The following SLC7A5 variants were observed in gnomAD, a reference collection of about 807,000 sequenced individuals.
SLC7A5 encodes the protein solute carrier family 7 member 5, also known as large neutral amino acids transporter small subunit 1.
A neutral mutation model predicts 50.2 loss-of-function variants in SLC7A5; 23 were observed. The observed-to-expected ratio is 0.46, with a 90% CI of 0.33 to 0.65. SLC7A5 has a LOEUF of 0.65. Ranked by LOEUF, SLC7A5 falls within the 30% of genes least tolerant of loss-of-function variation. SLC7A5 has a pLI of 0.02. For synonymous variants in SLC7A5, 393 were observed against 330.6 expected, an observed-to-expected ratio of 1.19 and a Z score of -2.05; for missense variants, 578 against 684.4, an observed-to-expected ratio of 0.84 and a Z score of 1.73.
intron 1 of SLC7A5, among the ~76,000 whole-genome samples, chr16:87,864,993 G>A (rs746946194): frequency 6.6e-6 from 1 of 152,076 alleles, no homozygotes; most frequent in African/African-American, 2.4e-5. Flanking sequence ...CCAACTTCTC[G>A]GCCTTCCAAG....
Position 87,862,702 on chromosome 16 carries a change from G to A in SLC7A5, c.538+6183C>T, listed in dbSNP as rs1597518243. On this transcript the variant is annotated intron_variant, in intron 1 of 9. Transcript: ENST00000261622. This position sits in a 1 kb window ranked among gnomAD's most constrained non-coding sequence, Gnocchi z 5.3. ...GCCCGTGCAACTGGCACCTTCACAC[G>A]CAGAGGCCTGGGATTCCCAGACACC... 6.6e-6 allele frequency among the ~76,000 whole-genome samples: 1 copy of A among 152,354 alleles called. No homozygotes were observed. The highest frequency in any genetic ancestry group is 1.5e-5 in the Non-Finnish European group (1 of 68,042).
rs556383111 is a variant in SLC7A5 at position 87,841,864 on chromosome 16, G to A, written c.665-709C>T. Reference sequence around the variant, plus strand: ...ACCTCATTTCAAAACTTGAACTTCAGTCACATCTGCGAAGACCCTTTTTCC... The same window carrying A: ...ACCTCATTTCAAAACTTGAACTTCAATCACATCTGCGAAGACCCTTTTTCC... On this transcript the variant is annotated intron_variant, in intron 2 of 9. Coordinates refer to ENST00000261622, the MANE Select transcript of SLC7A5 (RefSeq NM_003486.7). This position sits in a 1 kb window ranked among gnomAD's most constrained non-coding sequence, Gnocchi z 4.8. Among the ~76,000 whole-genome samples the A allele has an allele frequency of 6.6e-6, 1 of 152,230 alleles. No individual in the cohort carries two copies. Among genetic ancestry groups the A allele is most frequent in the Non-Finnish European group, 1.5e-5 (1 of 68,042 alleles).
intron 2 of SLC7A5, among the ~76,000 whole-genome samples, chr16:87,847,501 A>G (rs2055168701): frequency 6.6e-6 from 1 of 152,210 alleles, no homozygotes. Context: ...TGAAGCTCAG[A>G]GACCAGTCTG....
At chr16:87,866,275 T>C (rs1358972228) in intron 1 of SLC7A5, among the ~76,000 whole-genome samples, 2 of 152,110 alleles carry the variant, frequency 1.3e-5, no homozygotes, top group Non-Finnish European at 2.9e-5. Context: ...AGGCCAGCGA[T>C]ATATTTGTAA....
intron 1 of SLC7A5, among the ~76,000 whole-genome samples, 191 bp downstream of exon 1, chr16:87,868,694 G>A (rs2055494075): frequency 6.6e-6 from 1 of 152,234 alleles, no homozygotes; most frequent in South Asian, 2.1e-4. Flanking sequence ...CCAGCCTGTG[G>A]GGAGAAGTGT....
rs999874748 is a variant in SLC7A5 at position 87,853,666 on chromosome 16, G to C, written c.539-1817C>G. Among the ~76,000 whole-genome samples, 1 of 152,178 alleles carries C rather than the reference G, an allele frequency of 6.6e-6. No individual in the cohort carries two copies. Among genetic ancestry groups the C allele is most frequent in the Admixed American group, 6.5e-5 (1 of 15,280 alleles). On this transcript the variant is annotated intron_variant, in intron 1 of 9. Coordinates refer to ENST00000261622, the MANE Select transcript of SLC7A5 (RefSeq NM_003486.7). The surrounding 1 kb of genome is among the most constrained non-coding windows in gnomAD (Gnocchi z 4.4). ...ATTTCCTTATGGTTGGGGGGAGCAC[G>C]ACCATAAAAGAAACTGAGCCTCGGG...
In SLC7A5 at chr16:87,833,695, C is replaced by T. The variant is rs987683388; in HGVS notation, c.1469-670G>A. 2.0e-5 allele frequency among the ~76,000 whole-genome samples: 3 copies of T among 152,102 alleles called. No individual in the cohort carries two copies. Among genetic ancestry groups the T allele is most frequent in the Admixed American group, 6.5e-5 (1 of 15,278 alleles). On this transcript the variant is annotated intron_variant, in intron 9 of 9. Coordinates refer to ENST00000261622, the MANE Select transcript of SLC7A5 (RefSeq NM_003486.7). This position sits in a 1 kb window ranked among gnomAD's most constrained non-coding sequence, Gnocchi z 6.0. ...CATCCCGGGAATTCTCCAAGCCACC[C>T]AGTGACATGGGGATCAGCATGTAGG...
rs2054970250 is a variant in SLC7A5 at position 87,834,398 on chromosome 16, C to T, written c.1468+16G>A. On this transcript the variant is annotated intron_variant, in intron 9 of 9. Coordinates refer to ENST00000261622, the MANE Select transcript of SLC7A5 (RefSeq NM_003486.7). ...GGCAGAGGGTACCACGGGCTGTGGG[C>T]CAGCGAGATACTCACAGATGCCCTG... 1 of 1,551,388 alleles carries T rather than the reference C, an allele frequency of 6.4e-7. No individual in the cohort carries two copies.
intron 2 of SLC7A5, among the ~76,000 whole-genome samples, chr16:87,842,122 CCGGAA>C (rs2055089699): frequency 6.6e-6 from 1 of 152,212 alleles, no homozygotes; most frequent in Non-Finnish European, 1.5e-5. Flanking sequence ...AAAGACACCA[CCGGAA>C]CAAAGGAGCC....
At chr16:87,868,847 T>C in intron 1 of SLC7A5, 38 bp downstream of exon 1, 3 of 1,565,044 alleles carry the variant, frequency 1.9e-6, no homozygotes, top group Non-Finnish European at 2.6e-6. Context: ...ACCCAGAGAC[T>C]ACGACCTCCC....
rs1318004104 is a variant in SLC7A5, at chr16:87,840,482, T to C, written c.771-9A>G. ...CGAAATTCAAGTAATTCCTAAAATT[T>C]AGAGAACAGCGTTCAAATTATATGA... On this transcript the variant is annotated splice_polypyrimidine_tract_variant and intron_variant, in intron 3 of 9. Coordinates refer to ENST00000261622, the MANE Select transcript of SLC7A5 (RefSeq NM_003486.7). 1.2e-6 allele frequency: 2 copies of C among 1,600,072 alleles called. No homozygotes were observed. Among genetic ancestry groups the C allele is most frequent in the Middle Eastern group, 1.7e-4 (1 of 6,036 alleles).
chr16:87,866,827 G>A (rs2055467253), intron 1 of SLC7A5, among the ~76,000 whole-genome samples: 1 of 152,066 alleles, frequency 6.6e-6, no homozygotes, highest in Non-Finnish European at 1.5e-5. Flanking sequence ...ATTAGAAAGA[G>A]AAAACTAGGC....
chr16:87,854,918 T>G (rs1188508487), intron 1 of SLC7A5, among the ~76,000 whole-genome samples: 1 of 152,188 alleles, frequency 6.6e-6, no homozygotes, highest in Non-Finnish European at 1.5e-5. Flanking sequence ...TCCACCACCC[T>G]TCAGGGCCAT....
chr16:87,836,474 G>A (rs1459193848), intron 8 of SLC7A5, 24 bp downstream of exon 8: 4 of 1,605,854 alleles, frequency 2.5e-6, no homozygotes, highest in East Asian at 2.2e-5. Flanking sequence ...GGGTGCCTGG[G>A]TGAGCGGGAG....
rs1008623608 is a variant in SLC7A5 at position 87,860,494 on chromosome 16, A to C, written c.538+8391T>G. Among the ~76,000 whole-genome samples the C allele has an allele frequency of 6.6e-6, 1 of 151,970 alleles. No individual in the cohort carries two copies. The highest frequency in any genetic ancestry group is 2.4e-5 in the African/African-American group (1 of 41,350). ...TTGTCCCGCCTTTCTCGGCAGAACC[A>C]ACAAATACCTTTCATGTACTGACTG... On this transcript the variant is annotated intron_variant, in intron 1 of 9. Coordinates refer to ENST00000261622, the MANE Select transcript of SLC7A5 (RefSeq NM_003486.7). The surrounding 1 kb of genome is among the most constrained non-coding windows in gnomAD (Gnocchi z 4.8).
At chr16:87,845,956 C>A (rs997762) in intron 2 of SLC7A5, among the ~76,000 whole-genome samples, 46,920 of 152,140 alleles carry the variant, frequency 0.31, 7,982 homozygotes, top group East Asian at 0.66. Context: ...GCTTCCCCAG[C>A]CTGTCATCCT....
intron 8 of SLC7A5, among the ~76,000 whole-genome samples, chr16:87,836,217 C>G (rs541105198): frequency 3.2e-4 from 48 of 152,374 alleles, no homozygotes; most frequent in African/African-American, 1.1e-3. Context: ...CACCACCGCC[C>G]ACCTATGACT....
At chr16:87,836,099 C>T (rs1391591918) in intron 8 of SLC7A5, among the ~76,000 whole-genome samples, 1 of 152,218 alleles carries the variant, frequency 6.6e-6, no homozygotes, top group Non-Finnish European at 1.5e-5. Context: ...TCCAGCTGGG[C>T]CCAGGCGCTC....
At chr16:87,849,165 C>G (rs1392013932) in intron 2 of SLC7A5, among the ~76,000 whole-genome samples, 1 of 152,240 alleles carries the variant, frequency 6.6e-6, no homozygotes, top group African/African-American at 2.4e-5. Flanking sequence ...CTTGAAGTAT[C>G]TGGGGGCGCT....
Sources: allele counts gnomAD v4.1 joint callset (sites outside exome capture counted in the v4.1 genomes callset), GRCh38; gene constraint gnomAD v4.1.1; non-coding constraint Gnocchi (gnomAD v3.1); transcripts MANE v1.5; gene names NCBI Gene and HGNC (gene_info 2026-07-23, HGNC 2026-07-21).